The following SEZ6L variants were observed in gnomAD, a reference collection of about 807,000 sequenced individuals.
The protein encoded by SEZ6L is seizure related 6 homolog like.
SEZ6L carries 37 observed loss-of-function variants against 106.2 expected under a neutral mutation model. The observed-to-expected ratio is 0.35, with a 90% confidence interval of 0.27 to 0.46. The LOEUF (loss-of-function observed/expected upper bound fraction) is 0.46, where lower values mean the gene tolerates loss of function less well. Ranked by LOEUF, SEZ6L falls within the 20% of genes least tolerant of loss-of-function variation. SEZ6L has a pLI of 1.00. For synonymous variants in SEZ6L, 541 were observed against 570.4 expected (o/e 0.95, Z 0.73); for missense variants, 1,172 against 1,332.8 (o/e 0.88, Z 1.88).
At chr22:26,224,061 T>C (rs1477621222) in intron 1 of SEZ6L, among the ~76,000 whole-genome samples, 1 of 152,080 alleles carries the variant, frequency 6.6e-6, no homozygotes, top group Non-Finnish European at 1.5e-5. Context: ...TTGAATAAAA[T>C]GTCTCAAGGA....
intron 6 of SEZ6L, among the ~76,000 whole-genome samples, chr22:26,308,667 GAA>G (rs5844685): frequency 1.7e-4 from 26 of 151,690 alleles, no homozygotes; most frequent in African/African-American, 5.3e-4. Flanking sequence ...GTCCTGCAGG[GAA>G]AAAAAAGTTT....
intron 12 of SEZ6L, among the ~76,000 whole-genome samples, chr22:26,355,811 C>T (rs569115119): frequency 6.6e-6 from 1 of 152,320 alleles, no homozygotes; most frequent in Non-Finnish European, 1.5e-5. Flanking sequence ...GTCACTTGCC[C>T]AAAGCCATAG....
At chr22:26,341,767 C>A (rs947236053) in intron 10 of SEZ6L, among the ~76,000 whole-genome samples, 1 of 152,232 alleles carries the variant, frequency 6.6e-6, no homozygotes, top group Non-Finnish European at 1.5e-5. Context: ...CTGCTTCCTC[C>A]TTCCTTGCCC....
At chr22:26,219,385 GT>G (rs912916779) in intron 1 of SEZ6L, among the ~76,000 whole-genome samples, 1 of 145,830 alleles carries the variant, frequency 6.9e-6, no homozygotes, top group Non-Finnish European at 1.5e-5. Context: ...TTTTTTGTTT[GT>G]TTTTTTACAA....
chr22:26,201,746 A>T (rs1238925195), intron 1 of SEZ6L, among the ~76,000 whole-genome samples: 1 of 152,200 alleles, frequency 6.6e-6, no homozygotes, highest in South Asian at 2.1e-4. Context: ...GAAAAGTAAT[A>T]TCTGCCTTCC....
At chr22:26,252,740 G>C (rs2079643696) in intron 1 of SEZ6L, among the ~76,000 whole-genome samples, 1 of 152,226 alleles carries the variant, frequency 6.6e-6, no homozygotes, top group South Asian at 2.1e-4. Context: ...GTTCCTGCTA[G>C]GGACGTGATT....
chr22:26,302,193 T>C (rs2081475609), intron 5 of SEZ6L, among the ~76,000 whole-genome samples: 1 of 152,222 alleles, frequency 6.6e-6, no homozygotes, highest in South Asian at 2.1e-4. Flanking sequence ...TACAGCTTCC[T>C]TACTCAAAGT....
intron 1 of SEZ6L, among the ~76,000 whole-genome samples, chr22:26,223,599 C>T (rs758363075): frequency 6.7e-6 from 1 of 148,290 alleles, no homozygotes; most frequent in Non-Finnish European, 1.5e-5. Flanking sequence ...AGCTGTGTGT[C>T]CCTGAGAAAA....
At chr22:26,362,737 T>C (rs2083676090) in intron 12 of SEZ6L, among the ~76,000 whole-genome samples, 1 of 152,300 alleles carries the variant, frequency 6.6e-6, no homozygotes, top group Middle Eastern at 3.4e-3. Context: ...AGCTGCACAG[T>C]GACCTGGGAA....
chr22:26,270,945 A>G (rs532530873), intron 1 of SEZ6L, among the ~76,000 whole-genome samples: 1 of 152,324 alleles, frequency 6.6e-6, no homozygotes, highest in African/African-American at 2.4e-5. Context: ...GGAAGCTGTG[A>G]GAAGCAATCC....
chr22:26,214,920 G>C (rs1460498895), intron 1 of SEZ6L, among the ~76,000 whole-genome samples: 3 of 152,098 alleles, frequency 2.0e-5, no homozygotes, highest in African/African-American at 7.2e-5. Context: ...AATACATTTA[G>C]AGTGCCTGGC....
chr22:26,293,102 C>T lies in SEZ6L; in HGVS notation c.791C>T (p.Ser264Phe), dbSNP rs1333281495. The change falls in exon 2 of 17, where the codon TCC (serine) becomes TTC (phenylalanine). Residue 264 changes from serine to phenylalanine, a missense_variant. Physicochemically the swap from Ser to Phe is radical, Grantham distance 155 (BLOSUM62 -2). This residue lies in a region of SEZ6L where 494 missense variants were observed against 445.8 expected (regional missense o/e 1.11). Transcript: ENST00000248933. The part of the protein sequence containing the change: ...ASEESQETTT[S>F]TIITTTVITT... ...GAGGAGAGCCAGGAGACCACTACCT[C>T]CACCATTATCACCACCACGGTCATC... 1.0e-5 allele frequency: 16 copies of T among 1,600,736 alleles called. No individual in the cohort carries two copies. The highest frequency in any genetic ancestry group is 1.3e-5 in the African/African-American group (1 of 74,618).
chr22:26,254,287 A>C (rs554153309), intron 1 of SEZ6L, among the ~76,000 whole-genome samples: 3 of 152,292 alleles, frequency 2.0e-5, no homozygotes, highest in Admixed American at 2.0e-4. Flanking sequence ...CAACTGTAGC[A>C]AAAGTTGTAT....
At chr22:26,256,839 A>G (rs1375505097) in intron 1 of SEZ6L, among the ~76,000 whole-genome samples, 1 of 152,222 alleles carries the variant, frequency 6.6e-6, no homozygotes, top group Non-Finnish European at 1.5e-5. Context: ...CTCAAGCCTG[A>G]CATCTACTGC....
intron 9 of SEZ6L, among the ~76,000 whole-genome samples, chr22:26,316,574 G>C (rs929969413): frequency 5.3e-5 from 8 of 152,168 alleles, no homozygotes; most frequent in Admixed American, 5.2e-4. Flanking sequence ...GCTCAGGCTT[G>C]TAATCCCAGC....
Position 26,369,341 on chromosome 22 carries a change from C to CTTTTTTTTT in SEZ6L, c.2794+3779_2794+3780insTTTTTTTTT, listed in dbSNP as rs199641007. On this transcript the variant is annotated intron_variant, in intron 13 of 16. Transcript: ENST00000248933. ...ATGACAATGACTTATATAAGCAGTT[C>CTTTTTTTTT]TTTTGTTTTTTTTTTTGAGACAGAT... 4.3e-3 allele frequency among the ~76,000 whole-genome samples: 443 copies of CTTTTTTTTT among 103,552 alleles called. 78 individuals carry two copies. The highest frequency in any genetic ancestry group is 5.3e-3 in the Non-Finnish European group (307 of 57,782). The allele number at this position is 103,552 out of a possible 152,430, so 67.9% of individuals were successfully genotyped here.
intron 10 of SEZ6L, among the ~76,000 whole-genome samples, chr22:26,346,964 C>T (rs1456949242): frequency 2.6e-5 from 4 of 151,572 alleles, no homozygotes; most frequent in South Asian, 4.2e-4. Context: ...GAGGCCCAGG[C>T]GGTAGGATTG....
In SEZ6L at chr22:26,347,820, C is replaced by T; in HGVS notation, c.2314C>T (p.Gln772Ter). ...GGTGCGGGGAGCCAGAATCACCTAC[C>T]AGTGTGACCCCGGCTATGACATCGT... ...ELVRGARITY[Q>*]CDPGYDIVGS... The change falls in exon 11 of 17, where the codon CAG (glutamine) becomes TAG (stop). Residue 772 changes from glutamine (Q) to a stop codon, truncating the protein, a stop_gained. Coordinates refer to ENST00000248933, the MANE Select transcript of SEZ6L (RefSeq NM_021115.5). LOFTEE classifies it high-confidence loss of function. 1 of 1,607,614 alleles carries T rather than the reference C, an allele frequency of 6.2e-7. No individual in the cohort carries two copies.
At chr22:26,313,134 G>A (rs1187177854) in intron 8 of SEZ6L, among the ~76,000 whole-genome samples, 4 of 152,222 alleles carry the variant, frequency 2.6e-5, no homozygotes, top group East Asian at 3.8e-4. Context: ...GGCACCTGCC[G>A]CAGCCACATC....
Sources: gnomAD v4.1 joint callset for allele counts (sites outside exome capture counted in the v4.1 genomes callset) on GRCh38, gnomAD v4.1.1 for gene constraint, gnomAD v4.1.1 regional missense constraint, MANE v1.5 for transcripts, NCBI Gene and HGNC (gene_info 2026-07-23, HGNC 2026-07-21) for gene names.